The following CMIP variants were observed in gnomAD, a reference collection of about 807,000 sequenced individuals.
The protein encoded by CMIP is C-Maf-inducing protein.
In CMIP, 13 loss-of-function variants were observed where a neutral mutation model predicts 97.3. That is an observed-to-expected ratio of 0.13 (90% CI 0.09 to 0.21). CMIP has a LOEUF of 0.21. CMIP is among the 10% of genes least tolerant of loss of function. The pLI, the probability that CMIP is intolerant of heterozygous loss-of-function variation, is 1.00. For synonymous variants in CMIP, 538 were observed against 436.3 expected, an observed-to-expected ratio of 1.23 and a Z score of -2.91; for missense variants, 847 against 1,024.9, an observed-to-expected ratio of 0.83 and a Z score of 2.37.
chr16:81,457,244 C>T (rs1047918893), intron 1 of CMIP, among the ~76,000 whole-genome samples: 2 of 152,044 alleles, frequency 1.3e-5, no homozygotes, highest in African/African-American at 2.4e-5. Flanking sequence ...TCCCCTGTGG[C>T]GCGGCACCAC....
intron 3 of CMIP, among the ~76,000 whole-genome samples, chr16:81,629,841 C>T (rs757911009): frequency 2.0e-5 from 3 of 152,224 alleles, no homozygotes; most frequent in African/African-American, 2.4e-5. Context: ...GGTTGCCCTT[C>T]GGGTCGTTCC....
At chr16:81,494,039 T>G (rs1177134876) in intron 1 of CMIP, among the ~76,000 whole-genome samples, 1 of 152,226 alleles carries the variant, frequency 6.6e-6, no homozygotes. Flanking sequence ...TGATTCACCA[T>G]GTGATCGGGG....
At chr16:81,467,356 C>G (rs907071857) in intron 1 of CMIP, among the ~76,000 whole-genome samples, 4 of 152,276 alleles carry the variant, frequency 2.6e-5, no homozygotes, top group Middle Eastern at 3.4e-3. Context: ...ATAGAGCAGC[C>G]TCTATAGCAG....
intron 1 of CMIP, among the ~76,000 whole-genome samples, chr16:81,520,954 C>T (rs548562123): frequency 2.6e-5 from 4 of 152,148 alleles, no homozygotes; most frequent in South Asian, 2.1e-4. Context: ...CCCTGGGTTT[C>T]GCATCCTCTT....
chr16:81,578,252 C>T (rs1466062869), intron 1 of CMIP, among the ~76,000 whole-genome samples: 40 of 152,242 alleles, frequency 2.6e-4, no homozygotes, highest in Non-Finnish European at 1.0e-4. Flanking sequence ...CCATCATCTT[C>T]GTCACCACTG....
At chr16:81,547,164 C>T (rs1337818849) in intron 1 of CMIP, among the ~76,000 whole-genome samples, 1 of 152,104 alleles carries the variant, frequency 6.6e-6, no homozygotes, top group Non-Finnish European at 1.5e-5. Flanking sequence ...GGATCTGGGG[C>T]AGAGGAGGAG....
chr16:81,603,348 C>T (rs1430009762), intron 1 of CMIP: 2 of 453,616 alleles, frequency 4.4e-6, no homozygotes, highest in Non-Finnish European at 8.8e-6. Context: ...TCCCAAAGTG[C>T]TGGGATTACA....
chr16:81,679,387 A>T (rs1904635386), intron 10 of CMIP, among the ~76,000 whole-genome samples: 1 of 151,870 alleles, frequency 6.6e-6, no homozygotes, highest in Non-Finnish European at 1.5e-5. Context: ...GTTAGAGAGC[A>T]TGTGTGTTTC....
intron 1 of CMIP, among the ~76,000 whole-genome samples, chr16:81,471,342 A>G (rs576189421): frequency 2.9e-4 from 44 of 152,388 alleles, no homozygotes; most frequent in African/African-American, 1.0e-3. Context: ...ATAAATATGT[A>G]TAGGTGCACA....
chr16:81,681,626 C>T (rs922659482), intron 10 of CMIP, among the ~76,000 whole-genome samples: 1 of 152,230 alleles, frequency 6.6e-6, no homozygotes, highest in Non-Finnish European at 1.5e-5. Context: ...CGCCGCTTGA[C>T]CATACTATTG....
At chr16:81,480,818 CG>C (rs1227494406) in intron 1 of CMIP, among the ~76,000 whole-genome samples, 1 of 152,104 alleles carries the variant, frequency 6.6e-6, no homozygotes, top group Non-Finnish European at 1.5e-5. Flanking sequence ...TGGGAAAGGA[CG>C]GGGGTGGTTT....
intron 1 of CMIP, among the ~76,000 whole-genome samples, chr16:81,459,304 G>A (rs901623407): frequency 1.3e-5 from 2 of 152,206 alleles, no homozygotes; most frequent in Admixed American, 1.3e-4. Flanking sequence ...ACCTTCTGGT[G>A]ACCTTGGAGT....
At chr16:81,515,569 C>A (rs774500357) in intron 1 of CMIP, among the ~76,000 whole-genome samples, 1 of 152,110 alleles carries the variant, frequency 6.6e-6, no homozygotes, top group East Asian at 1.9e-4. Flanking sequence ...CCAAGAGCAT[C>A]GTTAAGTGGC....
chr16:81,446,808 GA>G (rs1469899106), intron 1 of CMIP, among the ~76,000 whole-genome samples: 1 of 152,198 alleles, frequency 6.6e-6, no homozygotes, highest in African/African-American at 2.4e-5. Flanking sequence ...GGGGAGGGGG[GA>G]AAAGTTAGCT....
intron 4 of CMIP, among the ~76,000 whole-genome samples, chr16:81,656,731 G>C (rs1439943962): frequency 6.6e-6 from 1 of 152,158 alleles, no homozygotes; most frequent in Non-Finnish European, 1.5e-5. Context: ...TCCGCCTTTT[G>C]GATTCAAATG....
intron 3 of CMIP, among the ~76,000 whole-genome samples, chr16:81,642,756 C>T (rs1193905101): frequency 1.3e-5 from 2 of 152,056 alleles, no homozygotes; most frequent in African/African-American, 4.8e-5. Context: ...CTTAGCCAGG[C>T]GTGGTGGCGG....
At chr16:81,462,323 A>G (rs1249497653) in intron 1 of CMIP, among the ~76,000 whole-genome samples, 1 of 152,068 alleles carries the variant, frequency 6.6e-6, no homozygotes, top group Non-Finnish European at 1.5e-5. Flanking sequence ...GGCTGGCAAA[A>G]TGGTAAGACA....
At chr16:81,649,364 C>T (rs9927060) in intron 3 of CMIP, among the ~76,000 whole-genome samples, 6,871 of 152,340 alleles carry the variant, frequency 0.045, 530 homozygotes, top group African/African-American at 0.16. Context: ...CCCGAGGGCT[C>T]GTGTCTGAAA....
chr16:81,631,551 A>G (rs1445804759), intron 3 of CMIP: 2 of 152,278 alleles, frequency 1.3e-5, no homozygotes. Flanking sequence ...CTAGCAGCAC[A>G]GGTGAGCTTT....
Sources: allele counts gnomAD v4.1 joint callset (sites outside exome capture counted in the v4.1 genomes callset), GRCh38; gene constraint gnomAD v4.1.1; transcripts MANE v1.5; gene names NCBI Gene and HGNC (gene_info 2026-07-23, HGNC 2026-07-21).